Variants in CDH12 observed in about 807,000 individuals in gnomAD.
CDH12 encodes cadherin-12.
In CDH12, 41 loss-of-function variants were observed where a neutral mutation model predicts 74.1. The ratio of observed to expected loss-of-function variants is 0.55; its 90% CI spans 0.43 to 0.72. The LOEUF is 0.72. Ranked by LOEUF, CDH12 falls within the 30% of genes least tolerant of loss-of-function variation. The pLI, the probability that CDH12 is intolerant of heterozygous loss-of-function variation, is 0.00. For missense variants in CDH12, 945 were observed against 977.2 expected, an observed-to-expected ratio of 0.97 and a Z score of 0.44; for synonymous variants, 399 against 355.0, an observed-to-expected ratio of 1.12 and a Z score of -1.39.
chr5:22,681,778 A>G (rs1161310197), intron 1 of CDH12, among the ~76,000 whole-genome samples: 1 of 152,036 alleles, frequency 6.6e-6, no homozygotes, highest in Non-Finnish European at 1.5e-5. Context: ...TTCTTACGCT[A>G]GGTTTCACAT....
intron 1 of CDH12, among the ~76,000 whole-genome samples, chr5:22,820,232 A>G (rs1749618221): frequency 6.6e-6 from 1 of 151,968 alleles, no homozygotes; most frequent in Admixed American, 6.6e-5. Flanking sequence ...ACACAGGCAG[A>G]GACAATATTT....
chr5:22,486,296 C>T (rs961696798), intron 2 of CDH12, among the ~76,000 whole-genome samples: 3 of 152,054 alleles, frequency 2.0e-5, no homozygotes, highest in Non-Finnish European at 4.4e-5. Context: ...AAGTCACCAC[C>T]CACTAACTAA....
At chr5:21,934,886 A>C (rs1332737242) in intron 6 of CDH12, among the ~76,000 whole-genome samples, 2 of 151,758 alleles carry the variant, frequency 1.3e-5, no homozygotes, top group Non-Finnish European at 2.9e-5. Context: ...TCCCTAGTTC[A>C]TGCCATTCTC....
At chr5:22,449,108 T>A (rs1001277624) in intron 2 of CDH12, among the ~76,000 whole-genome samples, 10 of 152,058 alleles carry the variant, frequency 6.6e-5, no homozygotes, top group Non-Finnish European at 1.5e-4. Flanking sequence ...CTTTGTTAAT[T>A]TTTTTGTTCA....
chr5:21,844,820 G>T (rs1036088559), intron 7 of CDH12, among the ~76,000 whole-genome samples: 3 of 152,094 alleles, frequency 2.0e-5, no homozygotes, highest in African/African-American at 7.2e-5. Flanking sequence ...GATAGCTATA[G>T]AAATAGATAG....
At chr5:21,973,780 C>T (rs1192133429) in intron 6 of CDH12, among the ~76,000 whole-genome samples, 13 of 152,170 alleles carry the variant, frequency 8.5e-5, no homozygotes, top group Non-Finnish European at 1.5e-4. Context: ...CCTGTAAAAT[C>T]AAGACACCGT....
At chr5:22,409,215 C>T (rs1176290191) in intron 2 of CDH12, among the ~76,000 whole-genome samples, 1 of 151,984 alleles carries the variant, frequency 6.6e-6, no homozygotes, top group Non-Finnish European at 1.5e-5. Flanking sequence ...AGCCAAGCCT[C>T]TTTGACATTT....
At chr5:22,248,077 A>G (rs1307380524) in intron 3 of CDH12, among the ~76,000 whole-genome samples, 1 of 152,124 alleles carries the variant, frequency 6.6e-6, no homozygotes, top group Non-Finnish European at 1.5e-5. Context: ...TTTGTGGATC[A>G]CCTGAGGTTA....
At chr5:22,381,541 C>T (rs1192631552) in intron 3 of CDH12, among the ~76,000 whole-genome samples, 1 of 151,684 alleles carries the variant, frequency 6.6e-6, no homozygotes, top group African/African-American at 2.4e-5. Flanking sequence ...TGCGATTTCT[C>T]CATTTTCTAT....
intron 6 of CDH12, among the ~76,000 whole-genome samples, chr5:21,887,056 G>A (rs930359582): frequency 3.9e-5 from 6 of 151,968 alleles, no homozygotes; most frequent in Non-Finnish European, 8.8e-5. Context: ...ATATTTACAC[G>A]ATAAAATTGT....
At chr5:22,186,124 A>G (rs1485193362) in intron 4 of CDH12, among the ~76,000 whole-genome samples, 1 of 152,226 alleles carries the variant, frequency 6.6e-6, no homozygotes. Context: ...GCCTGACATT[A>G]TTAAGAATCT....
At chr5:22,091,895 A>G (rs1381794158) in intron 4 of CDH12, among the ~76,000 whole-genome samples, 1 of 151,908 alleles carries the variant, frequency 6.6e-6, no homozygotes, top group Non-Finnish European at 1.5e-5. Context: ...CCTAAAATAA[A>G]TGGGTCCATC....
intron 4 of CDH12, among the ~76,000 whole-genome samples, chr5:22,101,333 T>C (rs911327021): frequency 1.7e-4 from 26 of 152,322 alleles, no homozygotes; most frequent in Admixed American, 5.2e-4. Flanking sequence ...CCGGTATGTA[T>C]GTATTGTATA....
chr5:21,988,754 C>A (rs1227344228), intron 5 of CDH12, among the ~76,000 whole-genome samples: 1 of 152,048 alleles, frequency 6.6e-6, no homozygotes, highest in Non-Finnish European at 1.5e-5. Context: ...AAGAGGGAGA[C>A]AAACATTAAA....
At chr5:21,866,691 C>T (rs899176146) in intron 6 of CDH12, among the ~76,000 whole-genome samples, 1 of 152,056 alleles carries the variant, frequency 6.6e-6, no homozygotes, top group Non-Finnish European at 1.5e-5. Flanking sequence ...AAATTTGCAG[C>T]CTGACAATGT....
intron 5 of CDH12, among the ~76,000 whole-genome samples, chr5:22,024,680 T>G (rs1738230787): frequency 6.6e-6 from 1 of 151,944 alleles, no homozygotes; most frequent in Admixed American, 6.6e-5. Context: ...GCCTGGCTAA[T>G]TTTTTTGTAT....
chr5:22,125,492 T>G (rs1390518762), intron 4 of CDH12, among the ~76,000 whole-genome samples: 1 of 152,242 alleles, frequency 6.6e-6, no homozygotes, highest in Non-Finnish European at 1.5e-5. Context: ...TGCCACATTT[T>G]CTTTATCCAG....
intron 6 of CDH12, among the ~76,000 whole-genome samples, chr5:21,858,968 C>T (rs566647142): frequency 6.6e-6 from 1 of 151,938 alleles, no homozygotes; most frequent in East Asian, 1.9e-4. Flanking sequence ...CATATGTATC[C>T]CTTTATGTAG....
At chr5:22,723,900 A>G (rs751554717) in intron 1 of CDH12, among the ~76,000 whole-genome samples, 14 of 152,148 alleles carry the variant, frequency 9.2e-5, no homozygotes, top group Middle Eastern at 3.4e-3. Flanking sequence ...ATAGGGTTAT[A>G]ATAACACACA....
Sources: allele counts gnomAD v4.1 joint callset (sites outside exome capture counted in the v4.1 genomes callset), GRCh38; gene constraint gnomAD v4.1.1; transcripts MANE v1.5; gene names NCBI Gene and HGNC (gene_info 2026-07-23, HGNC 2026-07-21).